The following C2orf49 variants were observed in gnomAD, a reference collection of about 807,000 sequenced individuals.
C2orf49 encodes tRNA splicing ligase complex subunit 2.
Under a neutral mutation model 20.6 loss-of-function variants are expected in C2orf49, and 11 were observed. That is an observed-to-expected ratio of 0.53 (90% CI 0.34 to 0.88). The LOEUF is 0.88. Among genes scored for constraint, C2orf49 ranks in the 40% least tolerant of loss-of-function variants. C2orf49 has a pLI of 0.02. For synonymous variants in C2orf49, 134 were observed against 108.5 expected, an observed-to-expected ratio of 1.24 and a Z score of -1.46; for missense variants, 289 against 274.2, an observed-to-expected ratio of 1.05 and a Z score of -0.38.
At chr2:105,353,447 A>G (rs563315946), downstream of C2orf49, among the ~76,000 whole-genome samples, 5 of 152,140 alleles carry the variant, frequency 3.3e-5, no homozygotes, top group Admixed American at 3.3e-4. Context: ...CACTACATAC[A>G]TTTTGGCATG....
chr2:105,338,801 T>C (rs985607063), intron 1 of C2orf49, among the ~76,000 whole-genome samples: 1 of 152,232 alleles, frequency 6.6e-6, no homozygotes, highest in South Asian at 2.1e-4. Context: ...TTTCAAGCCT[T>C]TCTGAGTTGA....
chr2:105,337,808 C>A (rs761150364), intron 1 of C2orf49, 122 bp downstream of exon 1: 7 of 820,914 alleles, frequency 8.5e-6, no homozygotes, highest in African/African-American at 5.1e-5. Flanking sequence ...GTGTCACTCT[C>A]CACCCACACA....
the C2orf49 span, among the ~76,000 whole-genome samples, chr2:105,369,387 G>A: frequency 6.6e-6 from 1 of 152,190 alleles, no homozygotes; most frequent in African/African-American, 2.4e-5. Flanking sequence ...CTGTCCTCCA[G>A]TAATTAGGAA....
At chr2:105,354,339 C>T in the C2orf49 span, among the ~76,000 whole-genome samples, 6 of 152,066 alleles carry the variant, frequency 3.9e-5, no homozygotes, top group Non-Finnish European at 5.9e-5. Flanking sequence ...TTCATTGTTC[C>T]GGTTGAGGGT....
the C2orf49 span, chr2:105,378,369 T>C: frequency 1.1e-5 from 4 of 358,954 alleles, no homozygotes; most frequent in Admixed American, 1.5e-4. Context: ...CCCTGCTCTA[T>C]CGGATCCCAC....
At chr2:105,368,312 C>T in the C2orf49 span, among the ~76,000 whole-genome samples, 1 of 152,150 alleles carries the variant, frequency 6.6e-6, no homozygotes, top group Non-Finnish European at 1.5e-5. Flanking sequence ...GTACTAAGTG[C>T]TATAATTAAA....
intron 1 of C2orf49, among the ~76,000 whole-genome samples, chr2:105,338,846 T>G (rs1679580156): frequency 6.6e-6 from 1 of 152,256 alleles, no homozygotes; most frequent in South Asian, 2.1e-4. Flanking sequence ...TCCATTCTCA[T>G]TTCTCCTTCT....
intron 1 of C2orf49, 22 bp downstream of exon 1, chr2:105,337,708 G>A (rs1325447738): frequency 5.3e-6 from 2 of 374,658 alleles, no homozygotes; most frequent in Non-Finnish European, 1.1e-5. Context: ...CGGATCGGAG[G>A]GTGGGCGGGT....
chr2:105,348,833 G>C lies in C2orf49; in HGVS notation c.*3462G>C, dbSNP rs1274642561. The C allele has an allele frequency of 6.6e-6, 1 of 152,026 alleles. No individual in the cohort carries two copies. The highest frequency in any genetic ancestry group is 1.5e-5 in the Non-Finnish European group (1 of 68,004). 9.4% of individuals were successfully genotyped at this position (152,026 alleles called of 1,614,324 possible). On this transcript the variant is annotated 3_prime_UTR_variant, in exon 4 of 4. Transcript: ENST00000258457. ...GTAATGACTTGATCTGTTTTTATTTGAGTGAACAATTTTGGAAAGTATTCT... is the reference window on the plus strand; with the variant it reads ...GTAATGACTTGATCTGTTTTTATTTCAGTGAACAATTTTGGAAAGTATTCT...
the C2orf49 span, chr2:105,363,222 A>G: frequency 6.5e-7 from 1 of 1,544,110 alleles, no homozygotes; most frequent in East Asian, 2.3e-5. Flanking sequence ...GTCACAGGCT[A>G]AAATGCTAGG....
At chr2:105,381,119 C>T in the C2orf49 span, among the ~76,000 whole-genome samples, 1 of 152,116 alleles carries the variant, frequency 6.6e-6, no homozygotes, top group Non-Finnish European at 1.5e-5. Context: ...CTCCTTCGCA[C>T]CCCATTCCAC....
chr2:105,337,665 C>T lies in C2orf49; in HGVS notation c.78C>T (p.Phe26=). The part of the protein sequence containing the change: ...LLHPELLSQE[F]LLLTLEQKNI... ...ACCCGGAGCTGCTGTCCCAGGAGTT[C>T]CTTCTCCTCACTCTGGAGCAGGTTG... is the stretch of plus-strand genomic sequence containing the variant. The change falls in exon 1 of 4, where the codon TTC becomes TTT. Residue 26 remains phenylalanine (F), a synonymous_variant. Transcript: ENST00000258457. 1 of 1,495,944 alleles carries T rather than the reference C, an allele frequency of 6.7e-7. No homozygotes were observed. The highest frequency in any genetic ancestry group is 9.0e-7 in the Non-Finnish European group (1 of 1,108,164). The allele number at this position is 1,495,944 out of a possible 1,614,324, so 92.7% of individuals were successfully genotyped here.
At chr2:105,374,895 T>C in the C2orf49 span, among the ~76,000 whole-genome samples, 1 of 152,228 alleles carries the variant, frequency 6.6e-6, no homozygotes, top group African/African-American at 2.4e-5. Context: ...CTCTGCACGG[T>C]TTCCTGGGCA....
At chr2:105,373,386 A>T in the C2orf49 span, 1 of 670,950 alleles carries the variant, frequency 1.5e-6, no homozygotes, top group East Asian at 2.8e-5. Flanking sequence ...CCATGATAGA[A>T]CCTGTATGTC....
intron 1 of C2orf49, among the ~76,000 whole-genome samples, chr2:105,339,277 A>G (rs769508063): frequency 1.3e-5 from 2 of 152,204 alleles, no homozygotes; most frequent in Non-Finnish European, 2.9e-5. Flanking sequence ...CCCATTTTCA[A>G]TCCCCTTTGT....
At chr2:105,382,339 G>T in the C2orf49 span, among the ~76,000 whole-genome samples, 2 of 152,172 alleles carry the variant, frequency 1.3e-5, no homozygotes, top group Non-Finnish European at 2.9e-5. Flanking sequence ...ACCACATCTG[G>T]CCCGAGAGTC....
chr2:105,337,812 C>G (rs1679544292), intron 1 of C2orf49, 126 bp downstream of exon 1: 1 of 771,830 alleles, frequency 1.3e-6, no homozygotes, highest in Admixed American at 2.8e-5. Context: ...CACTCTCCAC[C>G]CACACAGACC....
At chr2:105,339,875 C>G in intron 2 of C2orf49, 126 bp downstream of exon 2, 5 of 795,904 alleles carry the variant, frequency 6.3e-6, no homozygotes, top group Non-Finnish European at 9.5e-6. Context: ...TATTGAGCAC[C>G]AGGCACTGTG....
intron 2 of C2orf49, among the ~76,000 whole-genome samples, chr2:105,340,997 T>C (rs1237034560): frequency 6.6e-6 from 1 of 152,224 alleles, no homozygotes; most frequent in Admixed American, 6.5e-5. Context: ...AGTCGAAGAA[T>C]ACATGTCTGC....
Sources: allele counts gnomAD v4.1 joint callset (sites outside exome capture counted in the v4.1 genomes callset), GRCh38; gene constraint gnomAD v4.1.1; transcripts MANE v1.5; gene names NCBI Gene and HGNC (gene_info 2026-07-23, HGNC 2026-07-21).